Variants in LRBA observed in about 807,000 individuals in gnomAD.
The protein encoded by LRBA is lipopolysaccharide-responsive and beige-like anchor protein.
In LRBA, 176 loss-of-function variants were observed where a neutral mutation model predicts 330.0. That is an observed-to-expected ratio of 0.53 (90% confidence interval 0.47 to 0.60). The LOEUF (loss-of-function observed/expected upper bound fraction) is 0.60, where lower values mean the gene tolerates loss of function less well. LRBA is among the 20% of genes least tolerant of loss of function. The probability of loss-of-function intolerance (pLI) is 0.00; values close to 1 mark genes in which losing one functional copy is unlikely to be tolerated. For synonymous variants in LRBA, 1,230 were observed against 1,193.0 expected, an observed-to-expected ratio of 1.03 and a Z score of -0.64; for missense variants, 3,259 against 3,444.8, an observed-to-expected ratio of 0.95 and a Z score of 1.35.
chr4:150,597,058 C>G (rs765280440), intron 38 of LRBA: 2 of 1,203,388 alleles, frequency 1.7e-6, no homozygotes, highest in South Asian at 1.4e-5. Flanking sequence ...CATAAAATTA[C>G]TATAAAATAT....
At chr4:150,909,701 T>C (rs1487905894) in intron 9 of LRBA, among the ~76,000 whole-genome samples, 1 of 152,226 alleles carries the variant, frequency 6.6e-6, no homozygotes, top group African/African-American at 2.4e-5. Flanking sequence ...CTGGATCACA[T>C]GGAAGTTCTA....
At chr4:150,733,467 T>C (rs959013448) in intron 36 of LRBA, among the ~76,000 whole-genome samples, 4 of 151,850 alleles carry the variant, frequency 2.6e-5, no homozygotes, top group Non-Finnish European at 5.9e-5. Flanking sequence ...AATCACAAGA[T>C]CTGGGAGAAC....
At chr4:150,370,972 G>A (rs1003934825) in intron 47 of LRBA, among the ~76,000 whole-genome samples, 1 of 152,008 alleles carries the variant, frequency 6.6e-6, no homozygotes, top group Non-Finnish European at 1.5e-5. Context: ...TAAAGCGAAA[G>A]GAGTATGGAA....
rs182761907 is a variant in LRBA, at chr4:151,011,440, A to T, written c.216+2987T>A. Among the ~76,000 whole-genome samples, 18 of 151,866 alleles carry T rather than the reference A, an allele frequency of 1.2e-4. 1 individual carries two copies. The highest frequency in any genetic ancestry group is 9.8e-4 in the Admixed American group (15 of 15,236). On this transcript the variant is annotated intron_variant, in intron 2 of 56. Coordinates refer to ENST00000651943, the MANE Select transcript of LRBA (RefSeq NM_001364905.1). ...TGGTGAAACCCCGCCTCTACCAAAA[A>T]TACAAAAATTAGTCGGGCCTCATGG...
chr4:150,972,144 C>G (rs917446287), intron 2 of LRBA, among the ~76,000 whole-genome samples: 1 of 152,082 alleles, frequency 6.6e-6, no homozygotes, highest in Non-Finnish European at 1.5e-5. Context: ...TTTGCAAGAG[C>G]TTTAAAAAGC....
intron 37 of LRBA, among the ~76,000 whole-genome samples, chr4:150,602,694 C>A (rs1434786875): frequency 6.6e-6 from 1 of 152,138 alleles, no homozygotes; most frequent in Non-Finnish European, 1.5e-5. Flanking sequence ...TGTTCCCTAC[C>A]CCGTCCCTTC....
chr4:151,001,688 C>T (rs1743355744), intron 2 of LRBA, among the ~76,000 whole-genome samples: 1 of 152,042 alleles, frequency 6.6e-6, no homozygotes, highest in Non-Finnish European at 1.5e-5. Context: ...CTGCCTTTAC[C>T]CATACTATGC....
intron 47 of LRBA, among the ~76,000 whole-genome samples, chr4:150,391,914 T>C (rs1744002505): frequency 6.8e-6 from 1 of 147,502 alleles, no homozygotes; most frequent in Non-Finnish European, 1.5e-5. Context: ...CAACCCACTG[T>C]CATCTGAGTA....
chr4:150,509,871 T>C (rs763504949), intron 40 of LRBA, among the ~76,000 whole-genome samples: 3 of 152,226 alleles, frequency 2.0e-5, no homozygotes, highest in Admixed American at 6.5e-5. Flanking sequence ...GTCCTGTGGC[T>C]CACGCCTGTA....
intron 40 of LRBA, among the ~76,000 whole-genome samples, chr4:150,515,426 CA>C (rs1341552360): frequency 2.6e-5 from 4 of 151,978 alleles, no homozygotes; most frequent in Non-Finnish European, 4.4e-5. Context: ...GACTTTTTAC[CA>C]GAAACCAACA....
At chr4:150,624,297 C>G (rs1776615235) in intron 37 of LRBA, among the ~76,000 whole-genome samples, 1 of 108,728 alleles carries the variant, frequency 9.2e-6, no homozygotes. Context: ...AATGCCAAAC[C>G]CTACCTCCCT....
intron 40 of LRBA, among the ~76,000 whole-genome samples, chr4:150,493,189 C>T (rs552101662): frequency 7.8e-4 from 119 of 152,096 alleles, no homozygotes; most frequent in African/African-American, 2.8e-3. Flanking sequence ...TCACTATGTT[C>T]CCCAGGGTGG....
chr4:150,948,271 G>A (rs1736444104), intron 2 of LRBA, among the ~76,000 whole-genome samples: 2 of 152,000 alleles, frequency 1.3e-5, no homozygotes, highest in Non-Finnish European at 1.5e-5. Context: ...GGAACTGGTG[G>A]AGGGGCAGAC....
chr4:150,674,485 T>C (rs1486007638), intron 37 of LRBA, among the ~76,000 whole-genome samples: 1 of 152,126 alleles, frequency 6.6e-6, no homozygotes, highest in Non-Finnish European at 1.5e-5. Context: ...TAATATACAC[T>C]TCACAGGGTT....
chr4:151,007,856 CAAA>C (rs57271520), intron 2 of LRBA, among the ~76,000 whole-genome samples: 19 of 114,368 alleles, frequency 1.7e-4, no homozygotes, highest in Admixed American at 3.6e-4. Flanking sequence ...GACTCCATCT[CAAA>C]AAAAAAAAAA....
intron 48 of LRBA, among the ~76,000 whole-genome samples, chr4:150,339,411 C>CA (rs1289666138): frequency 6.6e-6 from 1 of 152,048 alleles, no homozygotes; most frequent in Non-Finnish European, 1.5e-5. Flanking sequence ...TCTGAACAGC[C>CA]AAAAACGAAG....
In LRBA at chr4:150,315,649, A is replaced by G. The variant is rs759055282; in HGVS notation, c.7631-26T>C. On this transcript the variant is annotated intron_variant, in intron 50 of 56. Coordinates refer to ENST00000651943, the MANE Select transcript of LRBA (RefSeq NM_001364905.1). ...CTGGAATTCACAAAAGATAAAGAAA[A>G]AAGGCATTATTTTTTATATACTAAA... is the stretch of plus-strand genomic sequence containing the variant. 3.3e-6 allele frequency: 5 copies of G among 1,504,084 alleles called. No homozygotes were observed. The South Asian group carries it at 6.2e-5, about 19-fold the overall frequency. The allele number at this position is 1,504,084 out of a possible 1,614,324, so 93.2% of individuals were successfully genotyped here.
rs5862917 is a variant in LRBA, at chr4:150,375,622, A to ATT, written c.7195-25465_7195-25464dup. Reference sequence around the variant, plus strand: ...TACAGGTGCGCACCACCACACCTGTATTTTTTTTTTTTTTGAATTTTTAGT... The same window carrying ATT: ...TACAGGTGCGCACCACCACACCTGTATTTTTTTTTTTTTTTTGAATTTTTAGT... On this transcript the variant is annotated intron_variant, in intron 47 of 56. Coordinates refer to ENST00000651943, the MANE Select transcript of LRBA (RefSeq NM_001364905.1). Among the ~76,000 whole-genome samples, 295 of 143,406 alleles carry ATT rather than the reference A, an allele frequency of 2.1e-3. 1 individual carries two copies. The highest frequency in any genetic ancestry group is 4.2e-3 in the African/African-American group (162 of 38,330). 94.1% of individuals were successfully genotyped at this position (143,406 alleles called of 152,430 possible).
chr4:150,717,402 T>C (rs928847553), intron 36 of LRBA, among the ~76,000 whole-genome samples: 6 of 151,924 alleles, frequency 3.9e-5, no homozygotes, highest in Admixed American at 1.3e-4. Flanking sequence ...TTGCCAGACA[T>C]AGTGGCTCAT....
Sources: gnomAD v4.1 joint callset for allele counts (sites outside exome capture counted in the v4.1 genomes callset) on GRCh38, gnomAD v4.1.1 for gene constraint, MANE v1.5 for transcripts, NCBI Gene and HGNC (gene_info 2026-07-23, HGNC 2026-07-21) for gene names.